The following MAST4 variants were observed in gnomAD, a reference collection of about 807,000 sequenced individuals.
MAST4 encodes the protein microtubule-associated serine/threonine-protein kinase 4.
MAST4 carries 89 observed loss-of-function variants against 162.7 expected under a neutral mutation model. That is an observed-to-expected ratio of 0.55 (90% CI 0.46 to 0.65). MAST4 has a LOEUF of 0.65. Among genes scored for constraint, MAST4 ranks in the 30% least tolerant of loss-of-function variants. The pLI, the probability that MAST4 is intolerant of heterozygous loss-of-function variation, is 0.00. For missense variants in MAST4, 3,153 were observed against 3,374.0 expected, an observed-to-expected ratio of 0.93 and a Z score of 1.62; for synonymous variants, 1,479 against 1,361.1, an observed-to-expected ratio of 1.09 and a Z score of -1.91.
intron 1 of MAST4, among the ~76,000 whole-genome samples, chr5:66,628,025 TTTG>T (rs936434080): frequency 1.2e-4 from 19 of 152,120 alleles, no homozygotes; most frequent in African/African-American, 3.6e-4. Context: ...TTTTTAAGTG[TTTG>T]TTGTTGTTGT....
intron 1 of MAST4, among the ~76,000 whole-genome samples, chr5:66,713,032 C>T (rs1206302480): frequency 1.3e-5 from 2 of 152,216 alleles, no homozygotes; most frequent in Non-Finnish European, 2.9e-5. Flanking sequence ...CTGGATCTCT[C>T]CACATATTCC....
intron 4 of MAST4, among the ~76,000 whole-genome samples, chr5:67,031,080 GA>G (rs1554084078): frequency 6.6e-6 from 1 of 151,962 alleles, no homozygotes. Flanking sequence ...TTTCCTATGT[GA>G]AAAAAGCATT....
At position 67,134,508 on chromosome 5, in the gene MAST4, G is replaced by T. The variant is rs1769381842; in HGVS notation, c.2227-15G>T. 1 of 1,602,114 alleles carries T rather than the reference G, an allele frequency of 6.2e-7. No individual in the cohort carries two copies. The highest frequency in any genetic ancestry group is 1.1e-5 in the South Asian group (1 of 89,298). ...CTAATATTCCAATTATTCTAATATT[G>T]CAATTATCTTTTAGGTCTGTGGCAC... On this transcript the variant is annotated splice_polypyrimidine_tract_variant and intron_variant, in intron 17 of 28. Coordinates refer to ENST00000403625, the MANE Select transcript of MAST4 (RefSeq NM_001164664.2).
At chr5:66,984,460 T>C (rs951460276) in intron 4 of MAST4, among the ~76,000 whole-genome samples, 2 of 152,212 alleles carry the variant, frequency 1.3e-5, no homozygotes, top group Non-Finnish European at 2.9e-5. Context: ...TTGATATTTT[T>C]ATTTTTTTGT....
chr5:66,637,115 GT>G (rs923018584), intron 1 of MAST4, among the ~76,000 whole-genome samples: 4 of 152,174 alleles, frequency 2.6e-5, no homozygotes, highest in African/African-American at 9.6e-5. Flanking sequence ...TAGCAATCTA[GT>G]TTTTCCCCCC....
Position 67,053,979 on chromosome 5 carries a change from T to C in MAST4, c.675-425T>C, listed in dbSNP as rs1190250505. 2.0e-5 allele frequency among the ~76,000 whole-genome samples: 3 copies of C among 152,210 alleles called. No homozygotes were observed. The East Asian group carries it at 5.8e-4, about 29-fold the overall frequency. On this transcript the variant is annotated intron_variant, in intron 4 of 28. Transcript: ENST00000403625. ...ACAAATAAGAAATTTGTCTAAATAATTAGATTTTTAATTAGTGCGTCATTA... is the reference window on the plus strand; with the variant it reads ...ACAAATAAGAAATTTGTCTAAATAACTAGATTTTTAATTAGTGCGTCATTA...
chr5:67,158,627 A>C (rs1342369561), intron 26 of MAST4, among the ~76,000 whole-genome samples: 1 of 152,202 alleles, frequency 6.6e-6, no homozygotes. Flanking sequence ...ATAATAAAAT[A>C]CTAAGACCTT....
chr5:66,767,214 T>TGGTGCTA, intron 2 of MAST4, among the ~76,000 whole-genome samples: 1 of 146,260 alleles, frequency 6.8e-6, no homozygotes, highest in South Asian at 2.2e-4. Flanking sequence ...TGTGTGTGTG[T>TGGTGCTA]GTGGTGCTAG....
chr5:66,756,307 T>C (rs145324808), intron 1 of MAST4, among the ~76,000 whole-genome samples: 4 of 152,328 alleles, frequency 2.6e-5, no homozygotes, highest in East Asian at 3.9e-4. Context: ...TAAGGACATA[T>C]TGCTGTTTCA....
chr5:66,732,762 C>T (rs952901243), intron 1 of MAST4, among the ~76,000 whole-genome samples: 2 of 152,180 alleles, frequency 1.3e-5, no homozygotes. Context: ...GTCTATTCTA[C>T]CTCATGAGGA....
chr5:66,829,529 C>A (rs1757458159), intron 3 of MAST4, among the ~76,000 whole-genome samples: 1 of 151,836 alleles, frequency 6.6e-6, no homozygotes, highest in Non-Finnish European at 1.5e-5. Context: ...TTGGAAAAAA[C>A]AACAACAACA....
At chr5:67,109,630 G>C (rs75597524) in intron 10 of MAST4, among the ~76,000 whole-genome samples, 2,336 of 152,130 alleles carry the variant, frequency 0.015, 38 homozygotes, top group African/African-American at 0.041. Context: ...ATTTATAGGC[G>C]AATCATATTG....
At chr5:66,913,016 C>T (rs1213200272) in intron 4 of MAST4, among the ~76,000 whole-genome samples, 1 of 152,184 alleles carries the variant, frequency 6.6e-6, no homozygotes, top group Non-Finnish European at 1.5e-5. Context: ...TGCTTCTTTT[C>T]ATGGATTCCC....
intron 4 of MAST4, among the ~76,000 whole-genome samples, chr5:67,009,522 G>A (rs1159141590): frequency 1.3e-5 from 2 of 152,170 alleles, no homozygotes; most frequent in African/African-American, 2.4e-5. Flanking sequence ...GACTTCACTT[G>A]CTCCGTCTAT....
chr5:66,754,993 C>T (rs1441321543), intron 1 of MAST4, among the ~76,000 whole-genome samples: 4 of 152,012 alleles, frequency 2.6e-5, no homozygotes, highest in East Asian at 1.9e-4. Flanking sequence ...CAAGGTGGAT[C>T]GAGTGGAGTG....
intron 3 of MAST4, among the ~76,000 whole-genome samples, chr5:66,854,640 C>T (rs1457901876): frequency 6.6e-6 from 1 of 152,026 alleles, no homozygotes; most frequent in East Asian, 1.9e-4. Flanking sequence ...CCTCCTTCTT[C>T]TTGGAAGGAG....
At chr5:67,057,159 G>A (rs1758934914) in intron 5 of MAST4, among the ~76,000 whole-genome samples, 1 of 152,120 alleles carries the variant, frequency 6.6e-6, no homozygotes, top group African/African-American at 2.4e-5. Flanking sequence ...ATACGATACA[G>A]GACCAGGCCC....
chr5:66,847,684 G>C (rs1758958929), intron 3 of MAST4, among the ~76,000 whole-genome samples: 1 of 151,592 alleles, frequency 6.6e-6, no homozygotes, highest in Non-Finnish European at 1.5e-5. Context: ...AGCTGGAGGT[G>C]GTGGTGGGAG....
chr5:66,791,359 A>G (rs557080910), intron 3 of MAST4, among the ~76,000 whole-genome samples: 1 of 152,374 alleles, frequency 6.6e-6, no homozygotes, highest in African/African-American at 2.4e-5. Context: ...TAGTACTAAC[A>G]GTCACATACC....
Sources: gnomAD v4.1 joint callset for allele counts (sites outside exome capture counted in the v4.1 genomes callset) on GRCh38, gnomAD v4.1.1 for gene constraint, MANE v1.5 for transcripts, NCBI Gene and HGNC (gene_info 2026-07-23, HGNC 2026-07-21) for gene names.